SCN11A: variants seen among roughly 807,000 people sequenced by gnomAD.
SCN11A encodes sodium channel protein type 11 subunit alpha.
SCN11A carries 122 observed loss-of-function variants against 162.2 expected under a neutral mutation model. The observed-to-expected ratio is 0.75, with a 90% CI of 0.65 to 0.87. The LOEUF is 0.87. Among genes scored for constraint, SCN11A ranks in the 40% least tolerant of loss-of-function variants. The pLI, the probability that SCN11A is intolerant of heterozygous loss-of-function variation, is 0.00. For missense variants in SCN11A, 2,015 were observed against 2,181.6 expected, an observed-to-expected ratio of 0.92 and a Z score of 1.52; for synonymous variants, 758 against 751.5, an observed-to-expected ratio of 1.01 and a Z score of -0.14.
intron 2 of SCN11A, among the ~76,000 whole-genome samples, chr3:38,973,131 T>C (rs1431850545): frequency 2.6e-5 from 4 of 152,220 alleles, no homozygotes; most frequent in Non-Finnish European, 5.9e-5. Flanking sequence ...AGAAAAGTTA[T>C]AAGATGTAGC....
chr3:38,913,084 C>A (rs1266859563), intron 11 of SCN11A, among the ~76,000 whole-genome samples: 1 of 152,188 alleles, frequency 6.6e-6, no homozygotes, highest in African/African-American at 2.4e-5. Flanking sequence ...AATGGTTGAA[C>A]TAATTTACAC....
chr3:39,015,948 G>A (rs11716373), intron 2 of SCN11A, among the ~76,000 whole-genome samples: 15,783 of 152,128 alleles, frequency 0.1, 1,046 homozygotes, highest in East Asian at 0.22. Context: ...TTTTGGCCAG[G>A]CTGGTCTCGA....
At chr3:38,992,165 A>G (rs1298578694) in intron 2 of SCN11A, among the ~76,000 whole-genome samples, 1 of 152,178 alleles carries the variant, frequency 6.6e-6, no homozygotes, top group Admixed American at 6.5e-5. Flanking sequence ...TGCTTTCCCA[A>G]AGATTCTTGA....
chr3:38,927,605 G>T (rs772342311), intron 7 of SCN11A, among the ~76,000 whole-genome samples: 6 of 152,152 alleles, frequency 3.9e-5, no homozygotes, highest in Non-Finnish European at 5.9e-5. Context: ...CATGGAAAGA[G>T]ATTTAATTGA....
At chr3:38,894,393 T>C (rs1373168069) in intron 19 of SCN11A, 140 bp downstream of exon 19, 1 of 708,938 alleles carries the variant, frequency 1.4e-6, no homozygotes, top group East Asian at 2.5e-5. Context: ...TGTCCTGAGA[T>C]GTGCACATGG....
chr3:38,887,309 C>T (rs2065417287), intron 19 of SCN11A, among the ~76,000 whole-genome samples: 2 of 152,044 alleles, frequency 1.3e-5, no homozygotes, highest in South Asian at 2.1e-4. Flanking sequence ...AGCCCCTTCA[C>T]CACATGGGAC....
chr3:38,875,177 A>G (rs1401627381), intron 23 of SCN11A, among the ~76,000 whole-genome samples: 1 of 152,182 alleles, frequency 6.6e-6, no homozygotes, highest in Admixed American at 6.6e-5. Flanking sequence ...TGTCAAGGCT[A>G]ATAATAGTAA....
At chr3:39,046,433 A>G (rs2032183363) in intron 1 of SCN11A, among the ~76,000 whole-genome samples, 1 of 152,218 alleles carries the variant, frequency 6.6e-6, no homozygotes, top group African/African-American at 2.4e-5. Context: ...TAAAATGACC[A>G]AACTACCCAA....
At chr3:38,926,966 T>C (rs1386879845) in intron 7 of SCN11A, 35 bp from the exon 8 acceptor site, 3 of 1,586,168 alleles carry the variant, frequency 1.9e-6, no homozygotes, top group East Asian at 2.2e-5. Context: ...GGAAGAAACA[T>C]GATAAACAAT....
intron 17 of SCN11A, among the ~76,000 whole-genome samples, chr3:38,897,507 G>A (rs2065624242): frequency 6.6e-6 from 1 of 152,102 alleles, no homozygotes; most frequent in Non-Finnish European, 1.5e-5. Context: ...ACAAGGTCAG[G>A]AGATTGAGAC....
chr3:38,997,579 C>A (rs928918969), intron 2 of SCN11A, among the ~76,000 whole-genome samples: 2 of 152,176 alleles, frequency 1.3e-5, no homozygotes, highest in Non-Finnish European at 2.9e-5. Flanking sequence ...TCCTCTGCCC[C>A]CACTAGAATG....
chr3:38,889,963 A>G (rs1373982827), intron 19 of SCN11A, among the ~76,000 whole-genome samples: 1 of 151,892 alleles, frequency 6.6e-6, no homozygotes, highest in Non-Finnish European at 1.5e-5. Context: ...ATAAAAATGC[A>G]TGAGTTATGG....
At position 38,846,257 on chromosome 3, in the gene SCN11A, G is replaced by A. The variant is rs183452489; in HGVS notation, c.*437C>T. On this transcript the variant is annotated 3_prime_UTR_variant, in exon 30 of 30. Transcript: ENST00000302328. ...GCCTCCCAAGTAGCTGGGACTACAGGCGCACGCCACCATGCCCAGCTAATT... is the reference window on the plus strand; with the variant it reads ...GCCTCCCAAGTAGCTGGGACTACAGACGCACGCCACCATGCCCAGCTAATT... 1,048 of 165,968 alleles carry A rather than the reference G, an allele frequency of 6.3e-3. 13 individuals are homozygous for A. Among genetic ancestry groups the A allele is most frequent in the African/African-American group, 0.024 (996 of 41,788 alleles). 10.3% of individuals were successfully genotyped at this position (165,968 alleles called of 1,614,324 possible). A position where few individuals can be genotyped will look rare whatever the true frequency, so the allele number is the denominator to read the frequency against.
chr3:38,942,928 A>AC (rs2066462304), intron 7 of SCN11A, among the ~76,000 whole-genome samples: 1 of 152,212 alleles, frequency 6.6e-6, no homozygotes, highest in South Asian at 2.1e-4. Flanking sequence ...TTAGAAAGTT[A>AC]CATATATACT....
At position 38,950,273 on chromosome 3, in the gene SCN11A, C is replaced by A. The variant is rs373988971; in HGVS notation, c.90G>T (p.Arg30=). Residue 30 remains arginine, a synonymous_variant, in exon 5 of 30, where the codon CGG becomes CGT. Transcript: ENST00000302328. ...TCTTTTTCTCCTTTTGGATGGCAAT[C>A]CGCTTCTCAATTGCAGCCAGAGAGT... is the stretch of plus-strand genomic sequence containing the variant. The part of the protein sequence containing the change: ...TSDSLAAIEK[R]IAIQKEKKKS... The A allele has an allele frequency of 3.7e-6, 6 of 1,614,046 alleles. No homozygotes were observed. Among genetic ancestry groups the A allele is most frequent in the Non-Finnish European group, 5.1e-6 (6 of 1,180,004 alleles).
intron 4 of SCN11A, among the ~76,000 whole-genome samples, chr3:38,951,632 T>G (rs1269063026): frequency 6.6e-6 from 1 of 152,358 alleles, no homozygotes; most frequent in East Asian, 1.9e-4. Context: ...GGTGGGGACG[T>G]GGAGAGTCTT....
chr3:38,910,209 T>C lies in SCN11A; in HGVS notation c.960-2A>G, dbSNP rs559628396. On this transcript the variant is annotated splice_acceptor_variant, in intron 11 of 29. Transcript: ENST00000302328. LOFTEE classifies it high-confidence loss of function. ...CATTCATATTGTATGGAACAGGCAC[T>C]AGATATTGGAAACAAACAGAGAAAT... 3.7e-6 allele frequency: 6 copies of C among 1,607,830 alleles called. No individual in the cohort carries two copies. The highest frequency in any genetic ancestry group is 1.7e-5 in the Admixed American group (1 of 58,928).
chr3:38,996,223 A>G (rs927766988), intron 2 of SCN11A, among the ~76,000 whole-genome samples: 5 of 152,224 alleles, frequency 3.3e-5, no homozygotes, highest in African/African-American at 1.2e-4. Context: ...AGACACATAT[A>G]AATGTACAGA....
chr3:38,961,654 C>T (rs759978786), intron 2 of SCN11A, among the ~76,000 whole-genome samples: 4 of 152,072 alleles, frequency 2.6e-5, no homozygotes, highest in Non-Finnish European at 5.9e-5. Context: ...AAGAGGACTC[C>T]GAATCCATTA....
Sources: allele counts gnomAD v4.1 joint callset (sites outside exome capture counted in the v4.1 genomes callset), GRCh38; gene constraint gnomAD v4.1.1; transcripts MANE v1.5; gene names NCBI Gene and HGNC (gene_info 2026-07-23, HGNC 2026-07-21).